TMEM94: variants seen among roughly 807,000 people sequenced by gnomAD.
The protein encoded by TMEM94 is transmembrane protein 94, also known as ER Mg2+ ATPase.
TMEM94 carries 81 observed loss-of-function variants against 158.6 expected under a neutral mutation model. That is an observed-to-expected ratio of 0.51 (90% confidence interval 0.43 to 0.61). The LOEUF (loss-of-function observed/expected upper bound fraction) is 0.61. TMEM94 is among the 20% of genes least tolerant of loss of function. The pLI, the probability that TMEM94 is intolerant of heterozygous loss-of-function variation, is 0.00. For missense variants in TMEM94, 1,435 were observed against 1,762.0 expected, an observed-to-expected ratio of 0.81 and a Z score of 3.32; for synonymous variants, 751 against 730.7, an observed-to-expected ratio of 1.03 and a Z score of -0.45.
Position 75,489,214 on chromosome 17 carries a change from T to C in TMEM94, c.765-52T>C, listed in dbSNP as rs375790150. Reference sequence around the variant, plus strand: ...AGAGGCCCAGAATCCTCCCAAGGTGTAGGTTTCTAGCCTCTCTGCCAAGTG... The same window carrying C: ...AGAGGCCCAGAATCCTCCCAAGGTGCAGGTTTCTAGCCTCTCTGCCAAGTG... On this transcript the variant is annotated intron_variant, in intron 7 of 31. Coordinates refer to ENST00000314256, the MANE Select transcript of TMEM94 (RefSeq NM_014738.6). This position sits in a 1 kb window ranked among gnomAD's most constrained non-coding sequence, Gnocchi z 5.0. 1,400 of 1,529,746 alleles carry C rather than the reference T, an allele frequency of 9.2e-4. 1 individual carries two copies. Among genetic ancestry groups the C allele is most frequent in the Non-Finnish European group, 1.1e-3 (1,231 of 1,103,868 alleles). The allele number at this position is 1,529,746 out of a possible 1,614,324, so 94.8% of individuals were successfully genotyped here.
At position 75,495,115 on chromosome 17, in the gene TMEM94, C is replaced by T. The variant is rs564166554; in HGVS notation, c.2728+81C>T. On this transcript the variant is annotated intron_variant, in intron 20 of 31. Coordinates refer to ENST00000314256, the MANE Select transcript of TMEM94 (RefSeq NM_014738.6). This position sits in a 1 kb window ranked among gnomAD's most constrained non-coding sequence, Gnocchi z 5.6. ...CAGAGCCACAGCCAGGAAGAGCCTC[C>T]GGAGAGCCCTCCAGTTAAGTACATT... 1.7e-5 allele frequency: 26 copies of T among 1,554,164 alleles called. No individual in the cohort carries two copies. The highest frequency in any genetic ancestry group is 1.4e-4 in the East Asian group (6 of 44,408).
chr17:75,499,602 C>A lies in TMEM94; in HGVS notation c.*268C>A. The A allele has an allele frequency of 3.8e-6, 2 of 525,420 alleles. No individual in the cohort carries two copies. The highest frequency in any genetic ancestry group is 6.8e-6 in the Non-Finnish European group (2 of 295,302). 32.5% of individuals were successfully genotyped at this position (525,420 alleles called of 1,614,324 possible). A position where few individuals can be genotyped will look rare whatever the true frequency, so the allele number is the denominator to read the frequency against. On this transcript the variant is annotated 3_prime_UTR_variant, in exon 32 of 32. Transcript: ENST00000314256. ...TTGAATGTATGGCCTCAGGCGCTCC[C>A]TAGAGGGGCCCTAAACCCCCTCACC...
intron 2 of TMEM94, among the ~76,000 whole-genome samples, chr17:75,481,818 G>T (rs1223022752): frequency 6.6e-6 from 1 of 152,218 alleles, no homozygotes; most frequent in African/African-American, 2.4e-5. Flanking sequence ...TGCTCAGGAG[G>T]TTTTCCAGAG....
intron 1 of TMEM94, among the ~76,000 whole-genome samples, chr17:75,469,531 G>C (rs992624867): frequency 4.0e-5 from 6 of 151,432 alleles, no homozygotes; most frequent in African/African-American, 1.5e-4. Flanking sequence ...TTTTAGTAGA[G>C]ATGGGGTTTC....
At chr17:75,481,388 C>T (rs555161729) in intron 2 of TMEM94, among the ~76,000 whole-genome samples, 5 of 152,320 alleles carry the variant, frequency 3.3e-5, no homozygotes, top group Non-Finnish European at 7.4e-5. Flanking sequence ...CTGTGGAGAG[C>T]GGGATTAGGT....
In TMEM94 at chr17:75,482,238, C is replaced by G. The variant is rs376569315; in HGVS notation, c.25-3190C>G. On this transcript the variant is annotated intron_variant, in intron 2 of 31. Transcript: ENST00000314256. ...GCATGTGCCTGTAGTCCCAGCTGCT[C>G]GGGAGGCTGAGGCAGGAGAATTTCT... Among the ~76,000 whole-genome samples, 3 of 151,594 alleles carry G rather than the reference C, an allele frequency of 2.0e-5. No homozygotes were observed. In the East Asian group the frequency reaches 5.8e-4, roughly 29 times the overall value.
At position 75,458,933 on chromosome 17, in the gene TMEM94, TGTAGTCCCAGCTACTTG is replaced by T. The variant is rs534650343; in HGVS notation, c.-107+2184_-107+2200del. Among the ~76,000 whole-genome samples, 29 of 151,078 alleles carry T rather than the reference TGTAGTCCCAGCTACTTG, an allele frequency of 1.9e-4. No homozygotes were observed. The East Asian group carries it at 3.1e-3, about 16-fold the overall frequency. ...TTAGCTGGGTATTGTGGCGGGTGCC[TGTAGTCCCAGCTACTTG>T]GGAGGCTGAGGCAGGAGAATGGCGT... is the stretch of plus-strand genomic sequence containing the variant. On this transcript the variant is annotated intron_variant, in intron 1 of 31. Transcript: ENST00000314256.
chr17:75,475,820 G>T lies in TMEM94; in HGVS notation c.24+3891G>T, dbSNP rs562487924. Among the ~76,000 whole-genome samples, 4 of 152,332 alleles carry T rather than the reference G, an allele frequency of 2.6e-5. No homozygotes were observed. The South Asian group carries it at 8.3e-4, about 32-fold the overall frequency. On this transcript the variant is annotated intron_variant, in intron 2 of 31. Coordinates refer to ENST00000314256, the MANE Select transcript of TMEM94 (RefSeq NM_014738.6). Reference sequence around the variant, plus strand: ...CCGGCTCTTCCCTGCATGGCTGTGAGGGTCTCCGTGCTACCTGGCAGGAAG... The same window carrying T: ...CCGGCTCTTCCCTGCATGGCTGTGATGGTCTCCGTGCTACCTGGCAGGAAG...
rs1253589643 is a variant in TMEM94 at position 75,489,727 on chromosome 17, G to C, written c.954+65G>C. The C allele has an allele frequency of 7.3e-7, 1 of 1,373,380 alleles. No individual in the cohort carries two copies. The highest frequency in any genetic ancestry group is 1.7e-5 in the Admixed American group (1 of 58,668). The allele number at this position is 1,373,380 out of a possible 1,614,324, so 85.1% of individuals were successfully genotyped here. A position where few individuals can be genotyped will look rare whatever the true frequency, so the allele number is the denominator to read the frequency against. ...ACCCGCAGGGCTGGCTCTTCTCCTA[G>C]TACCCTGGCTGTCCCTCCCTCTCTG... On this transcript the variant is annotated intron_variant, in intron 9 of 31. Coordinates refer to ENST00000314256, the MANE Select transcript of TMEM94 (RefSeq NM_014738.6). This position sits in a 1 kb window ranked among gnomAD's most constrained non-coding sequence, Gnocchi z 5.0.
intron 1 of TMEM94, among the ~76,000 whole-genome samples, chr17:75,469,038 G>A (rs532677348): frequency 5.2e-4 from 79 of 152,236 alleles, no homozygotes; most frequent in African/African-American, 1.4e-3. Context: ...GGGTAGGTGG[G>A]GAGGTAGGGC....
intron 2 of TMEM94, among the ~76,000 whole-genome samples, chr17:75,478,308 C>T (rs1177334569): frequency 1.5e-5 from 2 of 136,578 alleles, no homozygotes; most frequent in South Asian, 2.4e-4. Flanking sequence ...TGAGCCACCG[C>T]GCCCGGCCGA....
intron 1 of TMEM94, among the ~76,000 whole-genome samples, chr17:75,465,514 T>C (rs2050269444): frequency 6.6e-6 from 1 of 151,710 alleles, no homozygotes; most frequent in African/African-American, 2.4e-5. Flanking sequence ...CACTGCAACC[T>C]CCAACTCTTG....
chr17:75,496,855 C>T (rs1429658935), intron 25 of TMEM94, 48 bp downstream of exon 25: 1 of 1,559,320 alleles, frequency 6.4e-7, no homozygotes, highest in East Asian at 2.2e-5. Flanking sequence ...CTCACCCCTT[C>T]ACTCAGGGGC....
rs914004942 is a variant in TMEM94, at chr17:75,486,371, GCTGAAGC to G, written c.355_361del (p.Leu119ValfsTer4). ...TTGTGCTCATCGGGCGGCAAGACCG[GCTGAAGC>G]GTCGGGAGGTAGAGCGGAGGCTGCG... On this transcript the variant is annotated frameshift_variant, in exon 5 of 32. Transcript: ENST00000314256. LOFTEE classifies it high-confidence loss of function. 1 of 1,614,116 alleles carries G rather than the reference GCTGAAGC, an allele frequency of 6.2e-7. No individual in the cohort carries two copies. Among genetic ancestry groups the G allele is most frequent in the Non-Finnish European group, 8.5e-7 (1 of 1,180,052 alleles).
At position 75,486,656 on chromosome 17, in the gene TMEM94, C is replaced by T. The variant is rs1228909539; in HGVS notation, c.409+230C>T. 2.0e-5 allele frequency among the ~76,000 whole-genome samples: 3 copies of T among 152,186 alleles called. No homozygotes were observed. In the East Asian group the frequency reaches 5.8e-4, roughly 29 times the overall value. On this transcript the variant is annotated intron_variant, in intron 5 of 31. Transcript: ENST00000314256. ...AGGGCTGGGCAGGCAGGAAGGCCAA[C>T]AGTGGCAGGTGGGCTTGCAGGCTGG...
At chr17:75,484,494 G>A (rs1333068874) in intron 2 of TMEM94, among the ~76,000 whole-genome samples, 1 of 151,920 alleles carries the variant, frequency 6.6e-6, no homozygotes, top group Non-Finnish European at 1.5e-5. Context: ...GACCTCCTGA[G>A]CCCAAGCAAT....
intron 2 of TMEM94, among the ~76,000 whole-genome samples, chr17:75,483,294 A>C (rs1243496502): frequency 1.3e-5 from 2 of 152,068 alleles, no homozygotes; most frequent in Non-Finnish European, 2.9e-5. Context: ...GCTCTGGCCA[A>C]GGTGTTCCAG....
chr17:75,490,696 G>GTGCA lies in TMEM94; in HGVS notation c.1072-5_1072-2dup. The GTGCA allele has an allele frequency of 6.2e-7, 1 of 1,613,910 alleles. No homozygotes were observed. Among genetic ancestry groups the GTGCA allele is most frequent in the Non-Finnish European group, 8.5e-7 (1 of 1,179,830 alleles). ...TCACTGAGGACCTCACCCTCTCTCC[G>GTGCA]TGCAGCTGGCTAAGTTCTCAGAGGA... On this transcript the variant is annotated splice_region_variant and splice_polypyrimidine_tract_variant and intron_variant, in intron 10 of 31. Coordinates refer to ENST00000314256, the MANE Select transcript of TMEM94 (RefSeq NM_014738.6).
In TMEM94 at chr17:75,498,025, A is replaced by G. The variant is rs2146918260; in HGVS notation, c.3490-150A>G. 2 of 1,197,778 alleles carry G rather than the reference A, an allele frequency of 1.7e-6. No homozygotes were observed. The highest frequency in any genetic ancestry group is 2.8e-5 in the South Asian group (2 of 70,866). 74.2% of individuals were successfully genotyped at this position (1,197,778 alleles called of 1,614,324 possible). A position where few individuals can be genotyped will look rare whatever the true frequency, so the allele number is the denominator to read the frequency against. On this transcript the variant is annotated intron_variant, in intron 27 of 31. Coordinates refer to ENST00000314256, the MANE Select transcript of TMEM94 (RefSeq NM_014738.6). The surrounding 1 kb of genome is among the most constrained non-coding windows in gnomAD (Gnocchi z 6.7). ...CCCAGATCAAAGAGGAGGTAGTGGCACAGAGCTGGGAAAGACCCTTGCTGG... is the reference window on the plus strand; with the variant it reads ...CCCAGATCAAAGAGGAGGTAGTGGCGCAGAGCTGGGAAAGACCCTTGCTGG...
Sources: gnomAD v4.1 joint callset for allele counts (sites outside exome capture counted in the v4.1 genomes callset) on GRCh38, gnomAD v4.1.1 for gene constraint, Gnocchi (gnomAD v3.1) non-coding constraint, MANE v1.5 for transcripts, NCBI Gene and HGNC (gene_info 2026-07-23, HGNC 2026-07-21) for gene names.